Variants in DCC observed in about 807,000 individuals in gnomAD.
DCC encodes netrin receptor DCC.
Under a neutral mutation model 172.5 loss-of-function variants are expected in DCC, and 58 were observed. That is an observed-to-expected ratio of 0.34 (90% confidence interval 0.27 to 0.42). DCC has a LOEUF of 0.42. Among genes scored for constraint, DCC ranks in the 10% least tolerant of loss-of-function variants. The probability of loss-of-function intolerance (pLI) is 1.00; values close to 1 mark genes in which losing one functional copy is unlikely to be tolerated. For synonymous variants in DCC, 709 were observed against 644.5 expected, an observed-to-expected ratio of 1.10 and a Z score of -1.52; for missense variants, 1,740 against 1,791.0, an observed-to-expected ratio of 0.97 and a Z score of 0.51.
At chr18:52,933,372 C>T (rs1428180423) in intron 5 of DCC, among the ~76,000 whole-genome samples, 1 of 150,120 alleles carries the variant, frequency 6.7e-6, no homozygotes, top group Admixed American at 6.7e-5. Flanking sequence ...ACAAGGGACC[C>T]TGAATAAAGA....
chr18:53,243,065 G>A (rs1181721140), intron 12 of DCC, among the ~76,000 whole-genome samples: 1 of 152,118 alleles, frequency 6.6e-6, no homozygotes, highest in Non-Finnish European at 1.5e-5. Flanking sequence ...TTGAACTGAT[G>A]TGACTCAAAG....
At chr18:52,982,931 T>A (rs957799525) in intron 5 of DCC, among the ~76,000 whole-genome samples, 1 of 152,206 alleles carries the variant, frequency 6.6e-6, no homozygotes, top group Non-Finnish European at 1.5e-5. Flanking sequence ...TTGTATTGCC[T>A]GATAATAATG....
At chr18:53,463,228 C>T (rs2045580993) in intron 24 of DCC, among the ~76,000 whole-genome samples, 1 of 152,160 alleles carries the variant, frequency 6.6e-6, no homozygotes, top group Admixed American at 6.5e-5. Flanking sequence ...TAACCTTTTC[C>T]TTTCGTCTTT....
chr18:52,694,428 A>G (rs2035978960), intron 1 of DCC, among the ~76,000 whole-genome samples: 1 of 152,252 alleles, frequency 6.6e-6, no homozygotes, highest in East Asian at 1.9e-4. Context: ...TAAAAAAATA[A>G]TAATAAAGGA....
At chr18:53,111,446 A>T (rs936056981) in intron 7 of DCC, among the ~76,000 whole-genome samples, 5 of 133,980 alleles carry the variant, frequency 3.7e-5, no homozygotes, top group Non-Finnish European at 6.6e-5. Context: ...AAGAAAGATT[A>T]AAAAAAAAAA....
At chr18:53,332,156 ATTG>A (rs1312097174) in intron 14 of DCC, among the ~76,000 whole-genome samples, 1 of 152,188 alleles carries the variant, frequency 6.6e-6, no homozygotes, top group Admixed American at 6.5e-5. Context: ...ATTACAATTC[ATTG>A]TTGTGGTTTT....
chr18:53,173,968 T>C (rs1416840642), intron 8 of DCC, among the ~76,000 whole-genome samples: 2,193 of 86,882 alleles, frequency 0.025, 39 homozygotes, highest in Non-Finnish European at 0.038. Flanking sequence ...ACAGAAATTA[T>C]AACAAACTAT....
At chr18:52,466,179 G>A (rs911772137) in intron 1 of DCC, among the ~76,000 whole-genome samples, 3 of 152,106 alleles carry the variant, frequency 2.0e-5, no homozygotes, top group African/African-American at 7.2e-5. Flanking sequence ...GCCCTTTAAA[G>A]AACAATACTG....
intron 5 of DCC, among the ~76,000 whole-genome samples, chr18:53,017,168 C>T (rs1599031674): frequency 6.6e-6 from 1 of 151,642 alleles, no homozygotes; most frequent in African/African-American, 2.4e-5. Context: ...CTCCGCCTCC[C>T]GGGTTCACGC....
intron 24 of DCC, among the ~76,000 whole-genome samples, chr18:53,465,998 T>G (rs1396192072): frequency 6.6e-6 from 1 of 152,104 alleles, no homozygotes; most frequent in African/African-American, 2.4e-5. Flanking sequence ...TCTCCTGACC[T>G]CATGATCCGC....
At chr18:52,904,916 T>C (rs911153204) in intron 2 of DCC, among the ~76,000 whole-genome samples, 4 of 152,212 alleles carry the variant, frequency 2.6e-5, no homozygotes, top group African/African-American at 7.2e-5. Context: ...TGGTCTTTCA[T>C]TGATGGCACA....
intron 25 of DCC, among the ~76,000 whole-genome samples, chr18:53,479,241 A>C (rs192043722): frequency 3.3e-5 from 5 of 152,346 alleles, no homozygotes; most frequent in Non-Finnish European, 7.3e-5. Context: ...TGATCAATTC[A>C]TTATCAATAT....
intron 5 of DCC, among the ~76,000 whole-genome samples, chr18:53,014,701 A>T (rs1259442269): frequency 6.6e-6 from 1 of 152,028 alleles, no homozygotes; most frequent in African/African-American, 2.4e-5. Flanking sequence ...ACCTATGAGA[A>T]GGCTCACGTG....
chr18:52,356,168 C>T (rs1448492113), intron 1 of DCC, among the ~76,000 whole-genome samples: 8 of 152,038 alleles, frequency 5.3e-5, no homozygotes, highest in African/African-American at 1.9e-4. Flanking sequence ...AATAAAGAGG[C>T]TTTACCAGTA....
At chr18:52,930,499 G>T (rs1377743601) in intron 5 of DCC, among the ~76,000 whole-genome samples, 1 of 152,044 alleles carries the variant, frequency 6.6e-6, no homozygotes, top group Non-Finnish European at 1.5e-5. Context: ...CATATCTGAA[G>T]GAAAAGTATC....
intron 12 of DCC, among the ~76,000 whole-genome samples, chr18:53,270,782 T>C (rs531172930): frequency 2.6e-5 from 4 of 152,306 alleles, no homozygotes; most frequent in Admixed American, 6.5e-5. Context: ...AAGTACTTCA[T>C]CTTATGGCAT....
At chr18:53,186,573 C>A (rs573615759) in intron 9 of DCC, among the ~76,000 whole-genome samples, 37 of 152,272 alleles carry the variant, frequency 2.4e-4, no homozygotes, top group African/African-American at 8.9e-4. Context: ...ATTTTAATCA[C>A]ATGTGTATTG....
At chr18:53,438,808 AC>A (rs764005127) in intron 22 of DCC, among the ~76,000 whole-genome samples, 2 of 152,226 alleles carry the variant, frequency 1.3e-5, no homozygotes, top group Admixed American at 6.5e-5. Flanking sequence ...TTTTTGTTTT[AC>A]CATTTAAGAT....
intron 12 of DCC, among the ~76,000 whole-genome samples, chr18:53,222,383 C>CTTTTTTTTTTTTTTTTTTTTTTTTTTTT (rs67373546): frequency 2.9e-5 from 3 of 104,188 alleles, no homozygotes; most frequent in Non-Finnish European, 5.3e-5. Context: ...TTTCTTTTTT[C>CTTTTTTTTTTTTTTTTTTTTTTTTTTTT]TTTTTTTTTT....
Sources: gnomAD v4.1 joint callset for allele counts (sites outside exome capture counted in the v4.1 genomes callset) on GRCh38, gnomAD v4.1.1 for gene constraint, MANE v1.5 for transcripts, NCBI Gene and HGNC (gene_info 2026-07-23, HGNC 2026-07-21) for gene names.